Variants in LRRIQ3 observed in about 807,000 individuals in gnomAD.
The protein encoded by LRRIQ3 is leucine rich repeats and IQ motif containing 3.
LRRIQ3 carries 75 observed loss-of-function variants against 59.3 expected under a neutral mutation model. The ratio of observed to expected loss-of-function variants is 1.26; its 90% CI spans 1.05 to 1.53. The LOEUF (loss-of-function observed/expected upper bound fraction) is 1.53, where lower values mean the gene tolerates loss of function less well. LRRIQ3 is among the 40% of genes most tolerant of loss of function. The probability of loss-of-function intolerance (pLI) is 0.00; values close to 1 mark genes in which losing one functional copy is unlikely to be tolerated. For synonymous variants in LRRIQ3, 250 were observed against 231.3 expected (o/e 1.08, Z -0.73); for missense variants, 831 against 710.0 (o/e 1.17, Z -1.94).
intron 1 of LRRIQ3, among the ~76,000 whole-genome samples, chr1:74,191,468 C>T (rs1650764145): frequency 6.6e-6 from 1 of 151,712 alleles, no homozygotes; most frequent in African/African-American, 2.4e-5. Context: ...TTAATTCATC[C>T]AACAACAACA....
intron 7 of LRRIQ3, among the ~76,000 whole-genome samples, chr1:74,040,075 A>C (rs191828411): frequency 6.6e-6 from 1 of 152,224 alleles, no homozygotes; most frequent in Non-Finnish European, 1.5e-5. Flanking sequence ...GCTCAAAATA[A>C]AGGAATGGAG....
intron 5 of LRRIQ3, chr1:74,082,753 T>C (rs1252400047): frequency 1.3e-5 from 2 of 151,432 alleles, no homozygotes; most frequent in African/African-American, 4.8e-5. Context: ...AAAGTAGCTA[T>C]ATATATATAA....
chr1:74,041,536 T>C lies in LRRIQ3; in HGVS notation c.1395A>G (p.Lys465=). Residue 465 remains lysine (K), a synonymous_variant, in exon 7 of 8, where the codon AAA becomes AAG. Transcript: ENST00000354431. The part of the protein sequence containing the change: ...VAVNEHLNQK[K]YATQKLIEEN... ...CTTCAATTAGTTTTTGTGTAGCATA[T>C]TTTTTCTGATTCAAATGTTCATTAA... 3 of 1,611,312 alleles carry C rather than the reference T, an allele frequency of 1.9e-6. No homozygotes were observed. The highest frequency in any genetic ancestry group is 1.7e-6 in the Non-Finnish European group (2 of 1,178,600).
chr1:74,189,847 T>C (rs1459783450), intron 1 of LRRIQ3, among the ~76,000 whole-genome samples: 3 of 152,150 alleles, frequency 2.0e-5, no homozygotes, highest in African/African-American at 7.2e-5. Context: ...GAGCCTCTTT[T>C]TCTTTATAAA....
At chr1:74,133,343 C>T (rs962400740) in intron 4 of LRRIQ3, among the ~76,000 whole-genome samples, 15 of 152,026 alleles carry the variant, frequency 9.9e-5, no homozygotes, top group African/African-American at 1.9e-4. Flanking sequence ...ACCATTTGAC[C>T]CAGCCATCCC....
chr1:74,062,546 C>T (rs1162599544), intron 6 of LRRIQ3, among the ~76,000 whole-genome samples: 2 of 151,970 alleles, frequency 1.3e-5, no homozygotes, highest in Non-Finnish European at 2.9e-5. Flanking sequence ...GAATAGAAAT[C>T]ACAGCACTAT....
At chr1:74,029,777 C>T (rs576983889) in intron 7 of LRRIQ3, among the ~76,000 whole-genome samples, 90 of 152,076 alleles carry the variant, frequency 5.9e-4, no homozygotes, top group African/African-American at 2.1e-3. Context: ...GAAATGGTAC[C>T]AGCTCCTTCT....
intron 3 of LRRIQ3, among the ~76,000 whole-genome samples, chr1:74,159,316 C>T (rs892555080): frequency 1.3e-5 from 2 of 152,132 alleles, no homozygotes; most frequent in Non-Finnish European, 2.9e-5. Flanking sequence ...TGTATCTTCT[C>T]CATATAAGCT....
chr1:74,185,086 T>C (rs1184807635), intron 1 of LRRIQ3, among the ~76,000 whole-genome samples: 1 of 152,234 alleles, frequency 6.6e-6, no homozygotes, highest in Admixed American at 6.5e-5. Flanking sequence ...TTTCCAACTT[T>C]ACACAATTAT....
chr1:74,170,591 G>T (rs1649264323), intron 3 of LRRIQ3, among the ~76,000 whole-genome samples: 2 of 152,098 alleles, frequency 1.3e-5, no homozygotes, highest in South Asian at 4.1e-4. Flanking sequence ...TTTGAAACCA[G>T]TAAGTGTGAT....
chr1:74,108,625 T>C lies in LRRIQ3; in HGVS notation c.867+769A>G, dbSNP rs181416424. Among the ~76,000 whole-genome samples, 183 of 151,896 alleles carry C rather than the reference T, an allele frequency of 1.2e-3. 1 individual carries two copies. Among genetic ancestry groups the C allele is most frequent in the African/African-American group, 4.3e-3 (180 of 41,538 alleles). On this transcript the variant is annotated intron_variant, in intron 5 of 7. Coordinates refer to ENST00000354431, the MANE Select transcript of LRRIQ3 (RefSeq NM_001105659.2). ...GGCTACTCAAGCAGAGAGCCACACA[T>C]GAAGGAGCTTATCACAAACTAAGTG...
At chr1:74,103,397 A>C (rs1646561640) in intron 5 of LRRIQ3, among the ~76,000 whole-genome samples, 1 of 152,040 alleles carries the variant, frequency 6.6e-6, no homozygotes, top group Non-Finnish European at 1.5e-5. Context: ...CCCTAAAATG[A>C]GAGTTATACA....
intron 7 of LRRIQ3, among the ~76,000 whole-genome samples, chr1:74,031,278 T>C (rs1653702337): frequency 6.6e-6 from 1 of 152,076 alleles, no homozygotes; most frequent in Non-Finnish European, 1.5e-5. Flanking sequence ...ACCCAAAGGA[T>C]TATAAATCAT....
chr1:74,129,042 T>C (rs1646974997), intron 4 of LRRIQ3, among the ~76,000 whole-genome samples: 1 of 152,068 alleles, frequency 6.6e-6, no homozygotes, highest in South Asian at 2.1e-4. Flanking sequence ...ACTGGAACTG[T>C]GCTAGGTCAG....
At chr1:74,113,984 CACA>C (rs1253463716) in intron 4 of LRRIQ3, among the ~76,000 whole-genome samples, 3 of 151,366 alleles carry the variant, frequency 2.0e-5, no homozygotes, top group Admixed American at 1.3e-4. Context: ...TATATATACA[CACA>C]ACTATATATA....
At chr1:74,168,653 G>GT (rs1255635252) in intron 3 of LRRIQ3, among the ~76,000 whole-genome samples, 10 of 151,760 alleles carry the variant, frequency 6.6e-5, no homozygotes, top group Non-Finnish European at 1.2e-4. Flanking sequence ...TTAGATTCCT[G>GT]TTTTTTTCTT....
At chr1:74,122,524 G>A (rs186512756) in intron 4 of LRRIQ3, among the ~76,000 whole-genome samples, 10 of 151,994 alleles carry the variant, frequency 6.6e-5, no homozygotes, top group East Asian at 5.8e-4. Flanking sequence ...AAATAATGCC[G>A]CATATCTACA....
At chr1:74,132,364 CT>C (rs1324428183) in intron 4 of LRRIQ3, among the ~76,000 whole-genome samples, 1 of 151,740 alleles carries the variant, frequency 6.6e-6, no homozygotes, top group African/African-American at 2.4e-5. Flanking sequence ...GAAAAAACTA[CT>C]TTAAAGTTCA....
intron 4 of LRRIQ3, among the ~76,000 whole-genome samples, chr1:74,132,178 A>G (rs1262462707): frequency 6.6e-6 from 1 of 152,136 alleles, no homozygotes; most frequent in Non-Finnish European, 1.5e-5. Context: ...GATGTGAAGG[A>G]CCTCTTCAAG....
Sources: gnomAD v4.1 joint callset for allele counts (sites outside exome capture counted in the v4.1 genomes callset) on GRCh38, gnomAD v4.1.1 for gene constraint, MANE v1.5 for transcripts, NCBI Gene and HGNC (gene_info 2026-07-23, HGNC 2026-07-21) for gene names.